The following TSPAN11 variants were observed in gnomAD, a reference collection of about 807,000 sequenced individuals.
The protein encoded by TSPAN11 is tetraspanin-11.
A neutral mutation model predicts 32.9 loss-of-function variants in TSPAN11; 29 were observed. That is an observed-to-expected ratio of 0.88 (90% CI 0.66 to 1.20). The LOEUF is 1.20. Ranked by LOEUF, TSPAN11 falls within the 50% of genes most tolerant of loss-of-function variation. TSPAN11 has a pLI of 0.00. For missense variants in TSPAN11, 283 were observed against 329.1 expected, an observed-to-expected ratio of 0.86 and a Z score of 1.08; for synonymous variants, 140 against 141.3, an observed-to-expected ratio of 0.99 and a Z score of 0.07.
At chr12:31,016,254 C>A in the TSPAN11 span, among the ~76,000 whole-genome samples, 3 of 152,046 alleles carry the variant, frequency 2.0e-5, no homozygotes, top group African/African-American at 7.2e-5. Flanking sequence ...GGACGCAAGG[C>A]GGGAGTTGGG....
chr12:30,970,143 G>A (rs1938818386), intron 3 of TSPAN11, among the ~76,000 whole-genome samples: 1 of 152,212 alleles, frequency 6.6e-6, no homozygotes, highest in Non-Finnish European at 1.5e-5. Flanking sequence ...GCACTGGGAG[G>A]AAGTAGCAAT....
At chr12:31,005,239 A>G in the TSPAN11 span, among the ~76,000 whole-genome samples, 1 of 152,236 alleles carries the variant, frequency 6.6e-6, no homozygotes, top group Non-Finnish European at 1.5e-5. Context: ...ATTCCTGAAC[A>G]ATTAATCACA....
At chr12:30,937,795 T>G (rs1440542607) in intron 1 of TSPAN11, among the ~76,000 whole-genome samples, 1 of 152,168 alleles carries the variant, frequency 6.6e-6, no homozygotes, top group Non-Finnish European at 1.5e-5. Flanking sequence ...AGGGGAGCAC[T>G]GTAGTTTTGA....
At chr12:30,940,993 C>T (rs1938149056) in intron 1 of TSPAN11, among the ~76,000 whole-genome samples, 2 of 152,210 alleles carry the variant, frequency 1.3e-5, no homozygotes, top group Non-Finnish European at 2.9e-5. Context: ...CATCCCAAAA[C>T]CATCCTCCCC....
In TSPAN11 at chr12:30,929,156, A is replaced by G. The variant is rs73284451; in HGVS notation, c.-12+2360A>G. Among the ~76,000 whole-genome samples, 1,036 of 152,324 alleles carry G rather than the reference A, an allele frequency of 6.8e-3. 12 individuals are homozygous for G. Among genetic ancestry groups the G allele is most frequent in the African/African-American group, 0.024 (996 of 41,572 alleles). On this transcript the variant is annotated intron_variant, in intron 1 of 7. Coordinates refer to ENST00000546076, the MANE Select transcript of TSPAN11 (RefSeq NM_001370302.1). The stretch of plus-strand genomic sequence containing the variant: ...AGCTTTCAGATAGGATCTCCTTTGA[A>G]GAAAAGCCTCTCTCACTAAAATAAA...
At chr12:30,960,698 CT>C (rs1370009150) in intron 2 of TSPAN11, among the ~76,000 whole-genome samples, 1 of 151,996 alleles carries the variant, frequency 6.6e-6, no homozygotes. Context: ...TGGCTTCACC[CT>C]CTGCAGGGCT....
At chr12:30,955,684 C>T (rs1938464403) in intron 2 of TSPAN11, among the ~76,000 whole-genome samples, 1 of 152,158 alleles carries the variant, frequency 6.6e-6, no homozygotes, top group Non-Finnish European at 1.5e-5. Context: ...CGCCTCACCC[C>T]AGCTTCTGGT....
chr12:31,016,452 GAAAGAAAAGA>G, the TSPAN11 span, among the ~76,000 whole-genome samples: 1 of 151,738 alleles, frequency 6.6e-6, no homozygotes, highest in Non-Finnish European at 1.5e-5. Context: ...AAAGCTGGTA[GAAAGAAAAGA>G]AAAGGAAAGG....
chr12:30,932,480 T>C (rs926535511), intron 1 of TSPAN11, among the ~76,000 whole-genome samples: 1 of 152,194 alleles, frequency 6.6e-6, no homozygotes, highest in Non-Finnish European at 1.5e-5. Context: ...CGTCGCTAAC[T>C]CAACTGTTTT....
the TSPAN11 span, among the ~76,000 whole-genome samples, chr12:31,010,221 G>T: frequency 2.6e-5 from 4 of 152,168 alleles, no homozygotes; most frequent in Non-Finnish European, 4.4e-5. Flanking sequence ...AGGCTCAGAG[G>T]TGTGACTTGC....
At chr12:30,979,864 T>C (rs571607848) in intron 5 of TSPAN11, among the ~76,000 whole-genome samples, 194 bp downstream of exon 5, 4 of 152,362 alleles carry the variant, frequency 2.6e-5, no homozygotes, top group Admixed American at 2.0e-4. Flanking sequence ...CCCACTGCCA[T>C]GAAAACTACC....
At chr12:30,933,955 C>A (rs969962446) in intron 1 of TSPAN11, among the ~76,000 whole-genome samples, 1 of 152,154 alleles carries the variant, frequency 6.6e-6, no homozygotes, top group Admixed American at 6.5e-5. Context: ...TGAACACACA[C>A]CGGGGCCCCC....
chr12:30,964,033 G>A lies in TSPAN11; in HGVS notation c.276+16G>A. ...CCTCTCCACGGTCAGTGCCCGCCCT[G>A]TGCTCTGCAGGGATGGGGAGCCCTG... On this transcript the variant is annotated intron_variant, in intron 3 of 7. Coordinates refer to ENST00000546076, the MANE Select transcript of TSPAN11 (RefSeq NM_001370302.1). 1.2e-6 allele frequency: 2 copies of A among 1,610,006 alleles called. No homozygotes were observed. Among genetic ancestry groups the A allele is most frequent in the Non-Finnish European group, 1.7e-6 (2 of 1,178,742 alleles).
chr12:30,967,619 G>C (rs933890470), intron 3 of TSPAN11, among the ~76,000 whole-genome samples: 20 of 141,448 alleles, frequency 1.4e-4, no homozygotes, highest in Non-Finnish European at 2.2e-4. Flanking sequence ...ACATCAAGGA[G>C]GCAACAGCTT....
chr12:30,932,652 T>G (rs1043396915), intron 1 of TSPAN11, among the ~76,000 whole-genome samples: 2 of 151,788 alleles, frequency 1.3e-5, no homozygotes, highest in Admixed American at 1.3e-4. Context: ...TGTGAGGGAG[T>G]CACAAACTCC....
In TSPAN11 at chr12:30,943,654, C is replaced by T. The variant is rs576391830; in HGVS notation, c.-11-10327C>T. On this transcript the variant is annotated intron_variant, in intron 1 of 7. Transcript: ENST00000546076. Reference sequence around the variant, plus strand: ...TCCTGTTCCCCCACCCCAAGCTCCACCAAGCTTGCTTGATTCTCACACAAA... The same window carrying T: ...TCCTGTTCCCCCACCCCAAGCTCCATCAAGCTTGCTTGATTCTCACACAAA... Among the ~76,000 whole-genome samples the T allele has an allele frequency of 2.0e-5, 3 of 152,328 alleles. No individual in the cohort carries two copies. In the South Asian group the frequency reaches 6.2e-4, roughly 32 times the overall value.
rs983949392 is a variant in TSPAN11 at position 30,995,939 on chromosome 12, T to C, written c.*4024T>C. ...CTTTAGACCAAACACCAAAGGAAGA[T>C]GCAGCCACCCTCCTTTACATGTCAC... On this transcript the variant is annotated 3_prime_UTR_variant, in exon 8 of 8. Coordinates refer to ENST00000546076, the MANE Select transcript of TSPAN11 (RefSeq NM_001370302.1). 1.3e-5 allele frequency: 2 copies of C among 152,150 alleles called. No individual in the cohort carries two copies. Among genetic ancestry groups the C allele is most frequent in the African/African-American group, 4.8e-5 (2 of 41,412 alleles). 9.4% of individuals were successfully genotyped at this position (152,150 alleles called of 1,614,324 possible). A position where few individuals can be genotyped will look rare whatever the true frequency, so the allele number is the denominator to read the frequency against.
Position 30,959,350 on chromosome 12 carries a change from T to C in TSPAN11, c.85-4476T>C, listed in dbSNP as rs148981368. Among the ~76,000 whole-genome samples the C allele has an allele frequency of 5.3e-5, 8 of 151,836 alleles. No individual in the cohort carries two copies. In the East Asian group the frequency reaches 1.4e-3, roughly 26 times the overall value. On this transcript the variant is annotated intron_variant, in intron 2 of 7. Coordinates refer to ENST00000546076, the MANE Select transcript of TSPAN11 (RefSeq NM_001370302.1). ...CTCAAAATGGGCCTTAGAGGGTGTG[T>C]AGGAGTTCAACGGAAGAGAAAGGGC...
At chr12:31,016,195 C>G in the TSPAN11 span, among the ~76,000 whole-genome samples, 719 of 152,256 alleles carry the variant, frequency 4.7e-3, 4 homozygotes, top group African/African-American at 0.016. Context: ...TGTGAGGTGC[C>G]TGGAACAGTC....
Sources: gnomAD v4.1 joint callset for allele counts (sites outside exome capture counted in the v4.1 genomes callset) on GRCh38, gnomAD v4.1.1 for gene constraint, MANE v1.5 for transcripts, NCBI Gene and HGNC (gene_info 2026-07-23, HGNC 2026-07-21) for gene names.